RGS7BP: variants seen among roughly 807,000 people sequenced by gnomAD.
RGS7BP encodes the protein regulator of G protein signaling 7-binding protein.
Under a neutral mutation model 31.3 loss-of-function variants are expected in RGS7BP, and 9 were observed. That is an observed-to-expected ratio of 0.29 (90% CI 0.17 to 0.50). The LOEUF is 0.50. Ranked by LOEUF, RGS7BP falls within the 20% of genes least tolerant of loss-of-function variation. The pLI is 0.98. For missense variants in RGS7BP, 274 were observed against 322.0 expected (o/e 0.85, Z 1.14); for synonymous variants, 115 against 120.1 (o/e 0.96, Z 0.28).
At chr5:64,534,210 T>C (rs1267298250) in intron 2 of RGS7BP, among the ~76,000 whole-genome samples, 3 of 151,906 alleles carry the variant, frequency 2.0e-5, no homozygotes, top group African/African-American at 7.3e-5. Context: ...GCAAAGACCC[T>C]GAGGCAGGAA....
intron 2 of RGS7BP, among the ~76,000 whole-genome samples, chr5:64,534,967 G>T (rs1343761013): frequency 6.6e-6 from 1 of 152,204 alleles, no homozygotes; most frequent in Admixed American, 6.5e-5. Context: ...AGGGGCCAGG[G>T]ATTTAGGGTG....
chr5:64,543,919 C>T (rs1741586436), intron 2 of RGS7BP, among the ~76,000 whole-genome samples: 1 of 152,230 alleles, frequency 6.6e-6, no homozygotes, highest in African/African-American at 2.4e-5. Context: ...AAAATAAAAT[C>T]CCTGGCATCT....
At chr5:64,571,321 C>T (rs1212530146) in intron 2 of RGS7BP, among the ~76,000 whole-genome samples, 1 of 152,078 alleles carries the variant, frequency 6.6e-6, no homozygotes, top group African/African-American at 2.4e-5. Flanking sequence ...AACCATTTTT[C>T]TCTTGACAGA....
chr5:64,595,324 G>C (rs78922856), intron 4 of RGS7BP, among the ~76,000 whole-genome samples: 9,773 of 152,150 alleles, frequency 0.064, 1,058 homozygotes, highest in African/African-American at 0.22. Flanking sequence ...CTGCTTAGCT[G>C]CCATTTAGGG....
At chr5:64,555,630 G>A (rs916853802) in intron 2 of RGS7BP, among the ~76,000 whole-genome samples, 7 of 152,008 alleles carry the variant, frequency 4.6e-5, no homozygotes, top group Non-Finnish European at 8.8e-5. Context: ...TTATAGCAAG[G>A]ACTTGAGCTG....
intron 2 of RGS7BP, among the ~76,000 whole-genome samples, chr5:64,535,355 A>T (rs919757961): frequency 1.7e-4 from 26 of 152,186 alleles, no homozygotes; most frequent in African/African-American, 6.0e-4. Context: ...TCTCAGCTTA[A>T]ATATACTCAG....
At chr5:64,557,304 G>A (rs1327488556) in intron 2 of RGS7BP, among the ~76,000 whole-genome samples, 1 of 152,104 alleles carries the variant, frequency 6.6e-6, no homozygotes, top group African/African-American at 2.4e-5. Flanking sequence ...GTCCTGATGG[G>A]TCCTTTCCTT....
In RGS7BP at chr5:64,506,482, C is replaced by A. The variant is rs1007795852; in HGVS notation, c.-143C>A. On this transcript the variant is annotated 5_prime_UTR_variant, in exon 1 of 6. Coordinates refer to ENST00000334025, the MANE Select transcript of RGS7BP (RefSeq NM_001029875.3). The surrounding 1 kb of genome is among the most constrained non-coding windows in gnomAD (Gnocchi z 4.6). ...TCTCCTTCAAGCTGAAGGTTACCGA[C>A]CCGCGCAGCCAGCCCCAGCACTGTG... 21 of 580,112 alleles carry A rather than the reference C, an allele frequency of 3.6e-5. No homozygotes were observed. In the African/African-American group the frequency reaches 3.9e-4, roughly 11 times the overall value. 35.9% of individuals were successfully genotyped at this position (580,112 alleles called of 1,614,324 possible).
At chr5:64,577,799 A>G (rs144734217) in intron 3 of RGS7BP, among the ~76,000 whole-genome samples, 18 of 152,218 alleles carry the variant, frequency 1.2e-4, no homozygotes, top group African/African-American at 4.3e-4. Flanking sequence ...ACAGAGTAGT[A>G]TTTTCATTCT....
At chr5:64,553,604 C>T (rs1208159200) in intron 2 of RGS7BP, among the ~76,000 whole-genome samples, 4 of 151,880 alleles carry the variant, frequency 2.6e-5, no homozygotes, top group African/African-American at 9.7e-5. Flanking sequence ...TAGAAAGAGC[C>T]TAGGCTTTGG....
intron 2 of RGS7BP, among the ~76,000 whole-genome samples, chr5:64,518,509 T>A (rs1003555847): frequency 6.6e-6 from 1 of 152,036 alleles, no homozygotes; most frequent in South Asian, 2.1e-4. Flanking sequence ...GATAGGGTGG[T>A]CAAAAAGGCA....
At chr5:64,515,424 TATTTA>T (rs1440497335) in intron 2 of RGS7BP, among the ~76,000 whole-genome samples, 2 of 152,228 alleles carry the variant, frequency 1.3e-5, no homozygotes, top group African/African-American at 4.8e-5. Flanking sequence ...AAAGTAATTA[TATTTA>T]ATTTATGTTA....
Position 64,506,600 on chromosome 5 carries a change from G to A in RGS7BP, c.-25G>A. ...CGCGCCGGGGCGCACTGCACCAGCG[G>A]CTTCGGCTTGGTGGATGTGTATGCA... On this transcript the variant is annotated 5_prime_UTR_variant, in exon 1 of 6. Transcript: ENST00000334025. The surrounding 1 kb of genome is among the most constrained non-coding windows in gnomAD (Gnocchi z 4.6). The A allele has an allele frequency of 6.4e-7, 1 of 1,568,606 alleles. No individual in the cohort carries two copies. The highest frequency in any genetic ancestry group is 1.4e-5 in the African/African-American group (1 of 73,890).
intron 2 of RGS7BP, among the ~76,000 whole-genome samples, chr5:64,540,360 G>T (rs1049293365): frequency 1.3e-5 from 2 of 151,962 alleles, no homozygotes; most frequent in African/African-American, 2.4e-5. Context: ...TAAGTAATTT[G>T]CCATAACTTT....
At chr5:64,517,283 T>C (rs542949235) in intron 2 of RGS7BP, among the ~76,000 whole-genome samples, 2 of 152,208 alleles carry the variant, frequency 1.3e-5, no homozygotes, top group Non-Finnish European at 2.9e-5. Context: ...AACTGTATCA[T>C]ATGGTCACAC....
chr5:64,516,170 A>G (rs986232447), intron 2 of RGS7BP, among the ~76,000 whole-genome samples: 1 of 152,186 alleles, frequency 6.6e-6, no homozygotes, highest in Non-Finnish European at 1.5e-5. Flanking sequence ...TCAATTTAAC[A>G]TTTGCAGCTG....
At chr5:64,600,320 TC>T in intron 5 of RGS7BP, among the ~76,000 whole-genome samples, 1 of 152,232 alleles carries the variant, frequency 6.6e-6, no homozygotes, top group South Asian at 2.1e-4. Context: ...AGCCACATCA[TC>T]CTAAACATTC....
intron 3 of RGS7BP, among the ~76,000 whole-genome samples, chr5:64,582,105 A>T (rs1238225722): frequency 6.6e-6 from 1 of 152,204 alleles, no homozygotes; most frequent in East Asian, 1.9e-4. Flanking sequence ...TCTAATTTCT[A>T]TGTTTATGGT....
intron 2 of RGS7BP, among the ~76,000 whole-genome samples, chr5:64,544,675 TA>T (rs1561329341): frequency 4.0e-5 from 6 of 151,304 alleles, no homozygotes; most frequent in African/African-American, 1.5e-4. Context: ...CCCTGTCTCT[TA>T]AGAAGAAGAA....
Sources: allele counts gnomAD v4.1 joint callset (sites outside exome capture counted in the v4.1 genomes callset), GRCh38; gene constraint gnomAD v4.1.1; non-coding constraint Gnocchi (gnomAD v3.1); transcripts MANE v1.5; gene names NCBI Gene and HGNC (gene_info 2026-07-23, HGNC 2026-07-21).